PTGFR: variants seen among roughly 807,000 people sequenced by gnomAD.
The protein encoded by PTGFR is prostaglandin F2-alpha receptor.
PTGFR carries 15 observed loss-of-function variants against 26.2 expected under a neutral mutation model. That is an observed-to-expected ratio of 0.57 (90% CI 0.38 to 0.88). The LOEUF is 0.88. Ranked by LOEUF, PTGFR falls within the 40% of genes least tolerant of loss-of-function variation. PTGFR has a pLI of 0.00. For synonymous variants in PTGFR, 165 were observed against 151.1 expected, an observed-to-expected ratio of 1.09 and a Z score of -0.68; for missense variants, 369 against 427.2, an observed-to-expected ratio of 0.86 and a Z score of 1.20.
At position 78,493,515 on chromosome 1, in the gene PTGFR, T is replaced by G; in HGVS notation, c.772T>G (p.Ser258Ala). ...VIQLLAIMCV[S>A]CICWSPFLVT... ...CCAGCTCCTGGCGATAATGTGTGTC[T>G]CCTGTATTTGTTGGAGCCCATTTCT... Residue 258 changes from serine (S) to alanine (A), a missense_variant, in exon 2 of 3, where the codon TCC (serine) becomes GCC (alanine). Physicochemically the swap from Ser to Ala is moderately conservative, Grantham distance 99. Transcript: ENST00000370757. 1 of 1,550,960 alleles carries G rather than the reference T, an allele frequency of 6.4e-7. No individual in the cohort carries two copies. Among genetic ancestry groups the G allele is most frequent in the Non-Finnish European group, 8.7e-7 (1 of 1,150,710 alleles).
chr1:78,526,598 G>T (rs1490217621), intron 2 of PTGFR, among the ~76,000 whole-genome samples: 1 of 151,884 alleles, frequency 6.6e-6, no homozygotes, highest in Non-Finnish European at 1.5e-5. Context: ...CTTTTTTTGT[G>T]CTCTTTATAA....
chr1:78,493,067 C>A lies in PTGFR; in HGVS notation c.324C>A (p.Cys108Ter). The A allele has an allele frequency of 6.2e-7, 1 of 1,614,234 alleles. No homozygotes were observed. The highest frequency in any genetic ancestry group is 8.5e-7 in the Non-Finnish European group (1 of 1,180,034). Reference protein sequence around the residue: ...WIRFDQSNVLCSIFGICMVFS... With the variant: ...WIRFDQSNVL ...GCTTTGACCAATCAAATGTCCTTTG[C>A]AGTATTTTTGGTATCTGCATGGTGT... Residue 108 changes from cysteine to a stop codon, truncating the protein, a stop_gained, in exon 2 of 3, where the codon TGC (cysteine) becomes TGA (stop). Coordinates refer to ENST00000370757, the MANE Select transcript of PTGFR (RefSeq NM_000959.4). LOFTEE classifies it high-confidence loss of function.
intron 2 of PTGFR, among the ~76,000 whole-genome samples, chr1:78,517,724 G>A (rs1650123117): frequency 6.6e-6 from 1 of 152,136 alleles, no homozygotes; most frequent in Non-Finnish European, 1.5e-5. Context: ...GATTTTGGAA[G>A]CCATGGTGAG....
chr1:78,493,605 T>C, intron 2 of PTGFR, 64 bp downstream of exon 2: 1 of 1,433,264 alleles, frequency 7.0e-7, no homozygotes, highest in Non-Finnish European at 9.3e-7. Flanking sequence ...CAAGGTTATC[T>C]GGAAGTTCAG....
chr1:78,514,504 C>G (rs1445323112), intron 2 of PTGFR, among the ~76,000 whole-genome samples: 1 of 152,054 alleles, frequency 6.6e-6, no homozygotes, highest in South Asian at 2.1e-4. Flanking sequence ...AACTAAATAA[C>G]TTGTCTTTTA....
intron 2 of PTGFR, among the ~76,000 whole-genome samples, chr1:78,501,004 T>C (rs900623507): frequency 7.5e-6 from 1 of 133,388 alleles, no homozygotes; most frequent in African/African-American, 3.0e-5. Context: ...AAACATGACC[T>C]TTTTTTTTTA....
chr1:78,530,674 AT>A (rs1484061884), intron 2 of PTGFR, among the ~76,000 whole-genome samples: 3 of 152,210 alleles, frequency 2.0e-5, no homozygotes, highest in Admixed American at 6.5e-5. Context: ...GTGTAGCAGG[AT>A]TAAATGAGAT....
chr1:78,494,337 C>G (rs1649490732), intron 2 of PTGFR, among the ~76,000 whole-genome samples: 1 of 152,034 alleles, frequency 6.6e-6, no homozygotes, highest in African/African-American at 2.4e-5. Flanking sequence ...TAAGAAGTGA[C>G]AACATGCCAT....
At chr1:78,516,174 C>G (rs1650087051) in intron 2 of PTGFR, among the ~76,000 whole-genome samples, 1 of 152,264 alleles carries the variant, frequency 6.6e-6, no homozygotes, top group Non-Finnish European at 1.5e-5. Context: ...AAGTGCTTTA[C>G]AGATGTTAAC....
At chr1:78,531,219 A>C (rs1283951383) in intron 2 of PTGFR, among the ~76,000 whole-genome samples, 1 of 152,184 alleles carries the variant, frequency 6.6e-6, no homozygotes, top group Non-Finnish European at 1.5e-5. Flanking sequence ...TGATTTAACA[A>C]GAGTGAACTA....
intron 2 of PTGFR, among the ~76,000 whole-genome samples, chr1:78,509,937 C>T (rs1196497578): frequency 1.3e-5 from 2 of 152,154 alleles, no homozygotes; most frequent in Non-Finnish European, 2.9e-5. Context: ...TAGAATGTAA[C>T]CACAGCATTG....
At chr1:78,496,266 T>C (rs1170818005) in intron 2 of PTGFR, among the ~76,000 whole-genome samples, 1 of 152,162 alleles carries the variant, frequency 6.6e-6, no homozygotes, top group Non-Finnish European at 1.5e-5. Context: ...ATTTTCTCTT[T>C]TTTTCTCTCA....
Position 78,536,859 on chromosome 1 carries a change from C to T in PTGFR, c.*172C>T, listed in dbSNP as rs12074883. On this transcript the variant is annotated 3_prime_UTR_variant, in exon 3 of 3. Coordinates refer to ENST00000370757, the MANE Select transcript of PTGFR (RefSeq NM_000959.4). ...GAAATTTGTCAAATAAACAGGATAA[C>T]TGTACATTTTTCACTTGTTTTTGCC... 0.18 allele frequency: 137,134 copies of T among 766,542 alleles called. 13,239 individuals carry two copies. The highest frequency in any genetic ancestry group is 0.2 in the Non-Finnish European group (102,186 of 506,242). The allele number at this position is 766,542 out of a possible 1,614,324, so 47.5% of individuals were successfully genotyped here. A position where few individuals can be genotyped will look rare whatever the true frequency, so the allele number is the denominator to read the frequency against.
Position 78,534,544 on chromosome 1 carries a change from A to G in PTGFR, c.799-1862A>G, listed in dbSNP as rs142829208. On this transcript the variant is annotated intron_variant, in intron 2 of 2. Coordinates refer to ENST00000370757, the MANE Select transcript of PTGFR (RefSeq NM_000959.4). ...CTTAGGGGAAAAAACATAATTTATA[A>G]AAGCAATGCATGATCGATCTAAAAA... Among the ~76,000 whole-genome samples, 541 of 152,318 alleles carry G rather than the reference A, an allele frequency of 3.6e-3. 7 individuals are homozygous for G. Among genetic ancestry groups the G allele is most frequent in the African/African-American group, 0.012 (518 of 41,574 alleles).
intron 2 of PTGFR, among the ~76,000 whole-genome samples, chr1:78,520,809 A>T (rs1397344618): frequency 6.6e-6 from 1 of 152,048 alleles, no homozygotes. Context: ...TTTGTCAAGT[A>T]CTTGTTAGGT....
intron 2 of PTGFR, among the ~76,000 whole-genome samples, chr1:78,499,805 T>A (rs1157602706): frequency 6.6e-6 from 1 of 152,246 alleles, no homozygotes; most frequent in East Asian, 1.9e-4. Flanking sequence ...GATATTACAA[T>A]GATTTGTTTA....
intron 2 of PTGFR, among the ~76,000 whole-genome samples, chr1:78,530,632 TTAAAG>T (rs1423804115): frequency 6.6e-6 from 1 of 152,192 alleles, no homozygotes; most frequent in Non-Finnish European, 1.5e-5. Flanking sequence ...CAGCTTCATC[TTAAAG>T]TAGAGATAAT....
intron 2 of PTGFR, among the ~76,000 whole-genome samples, chr1:78,523,368 C>A (rs969889915): frequency 6.6e-6 from 1 of 152,028 alleles, no homozygotes; most frequent in African/African-American, 2.4e-5. Flanking sequence ...CTTTTAAAGA[C>A]ACTTTTTATA....
At position 78,499,390 on chromosome 1, in the gene PTGFR, C is replaced by T. The variant is rs74091501; in HGVS notation, c.798+5849C>T. On this transcript the variant is annotated intron_variant, in intron 2 of 2. Coordinates refer to ENST00000370757, the MANE Select transcript of PTGFR (RefSeq NM_000959.4). ...TGTTGCTGGGCTTTTGCCCCTAGCA[C>T]GTAAGCTCCTGAGGGAGGGGCCTTG... 4.5e-3 allele frequency among the ~76,000 whole-genome samples: 688 copies of T among 152,332 alleles called. 3 individuals are homozygous for T. Among genetic ancestry groups the T allele is most frequent in the African/African-American group, 0.015 (640 of 41,566 alleles).
Sources: gnomAD v4.1 joint callset for allele counts (sites outside exome capture counted in the v4.1 genomes callset) on GRCh38, gnomAD v4.1.1 for gene constraint, MANE v1.5 for transcripts, NCBI Gene and HGNC (gene_info 2026-07-23, HGNC 2026-07-21) for gene names.